The following CYYR1 variants were observed in gnomAD, a reference collection of about 807,000 sequenced individuals.
CYYR1 encodes cysteine and tyrosine-rich protein 1.
CYYR1 carries 14 observed loss-of-function variants against 15.2 expected under a neutral mutation model. That is an observed-to-expected ratio of 0.92 (90% CI 0.61 to 1.44). CYYR1 has a LOEUF of 1.44. CYYR1 is among the 40% of genes most tolerant of loss of function. The pLI is 0.00. For synonymous variants in CYYR1, 80 were observed against 77.4 expected (o/e 1.03, Z -0.18); for missense variants, 228 against 209.5 (o/e 1.09, Z -0.54).
At chr21:26,506,217 C>G (rs1370224639) in intron 2 of CYYR1, among the ~76,000 whole-genome samples, 1 of 152,112 alleles carries the variant, frequency 6.6e-6, no homozygotes, top group Admixed American at 6.6e-5. Flanking sequence ...CCTAGCTAGA[C>G]TTTAATTCTC....
intron 1 of CYYR1, chr21:26,568,973 C>T (rs1282919407): frequency 6.6e-6 from 1 of 152,212 alleles, no homozygotes; most frequent in Non-Finnish European, 1.5e-5. Context: ...AATACTTATA[C>T]ACTGCTATTG....
At chr21:26,540,189 A>G (rs1978447434) in intron 2 of CYYR1, among the ~76,000 whole-genome samples, 2 of 152,152 alleles carry the variant, frequency 1.3e-5, no homozygotes, top group African/African-American at 4.8e-5. Context: ...GTATAACCCT[A>G]CCACGGATCA....
At chr21:26,518,620 A>G (rs2065764597) in intron 2 of CYYR1, 1 of 152,218 alleles carries the variant, frequency 6.6e-6, no homozygotes. Context: ...ATTCTGTCAT[A>G]GCTGCAGCAG....
At chr21:26,519,310 A>T (rs2065773253) in intron 2 of CYYR1, among the ~76,000 whole-genome samples, 1 of 152,206 alleles carries the variant, frequency 6.6e-6, no homozygotes, top group Non-Finnish European at 1.5e-5. Context: ...TAAAAGAATG[A>T]GTCAGCCAGG....
At chr21:26,547,779 C>CT (rs11298777) in intron 2 of CYYR1, among the ~76,000 whole-genome samples, 26 of 143,464 alleles carry the variant, frequency 1.8e-4, no homozygotes, top group Middle Eastern at 3.6e-3. Flanking sequence ...TCTATTTCTA[C>CT]TTTTTTTTTT....
At chr21:26,537,100 T>C (rs1359019468) in intron 2 of CYYR1, among the ~76,000 whole-genome samples, 1 of 151,742 alleles carries the variant, frequency 6.6e-6, no homozygotes, top group Non-Finnish European at 1.5e-5. Context: ...TGGAGGAGAG[T>C]TGTGATTGAT....
chr21:26,478,165 C>G (rs894871347), intron 3 of CYYR1: 31 of 1,548,000 alleles, frequency 2.0e-5, no homozygotes, highest in Admixed American at 1.6e-4. Context: ...AATAAACAAT[C>G]AACATAATGA....
intron 2 of CYYR1, among the ~76,000 whole-genome samples, chr21:26,535,168 G>A (rs1175065040): frequency 6.6e-6 from 1 of 152,128 alleles, no homozygotes; most frequent in Admixed American, 6.6e-5. Flanking sequence ...CACCACCCAG[G>A]TGGTAGGATC....
At chr21:26,512,522 C>T (rs533205330) in intron 2 of CYYR1, among the ~76,000 whole-genome samples, 10 of 152,220 alleles carry the variant, frequency 6.6e-5, no homozygotes, top group African/African-American at 2.4e-4. Context: ...TATCAGGTGT[C>T]AGCACGCTAC....
intron 2 of CYYR1, among the ~76,000 whole-genome samples, chr21:26,540,147 G>T (rs1211288726): frequency 6.6e-6 from 1 of 152,032 alleles, no homozygotes; most frequent in East Asian, 1.9e-4. Flanking sequence ...TTCTTTTTTG[G>T]TAGAGTGGTA....
chr21:26,536,091 G>A (rs1978298680), intron 2 of CYYR1, among the ~76,000 whole-genome samples: 1 of 152,140 alleles, frequency 6.6e-6, no homozygotes, highest in South Asian at 2.1e-4. Context: ...TCTTCACATG[G>A]CGGCAGGAGA....
chr21:26,501,576 C>T (rs2830261), intron 2 of CYYR1, among the ~76,000 whole-genome samples: 26,270 of 152,208 alleles, frequency 0.17, 2,316 homozygotes, highest in South Asian at 0.18. Flanking sequence ...AGACTCAGAA[C>T]TGAAAACTGG....
chr21:26,503,889 C>T (rs2830262), intron 2 of CYYR1, among the ~76,000 whole-genome samples: 26,349 of 152,036 alleles, frequency 0.17, 2,317 homozygotes, highest in East Asian at 0.19. Context: ...AAGACGCTGT[C>T]GAGTCCTCCT....
At chr21:26,495,367 C>T (rs1002682320) in intron 2 of CYYR1, among the ~76,000 whole-genome samples, 2 of 152,184 alleles carry the variant, frequency 1.3e-5, no homozygotes, top group Admixed American at 6.5e-5. Context: ...GCGCTAGGCT[C>T]TACATTTCCC....
Position 26,564,838 on chromosome 21 carries a change from G to A in CYYR1, c.176+1428C>T, listed in dbSNP as rs747335466. On this transcript the variant is annotated intron_variant, in intron 2 of 3. Transcript: ENST00000652641. ...GGGACAGCAGCATCTGGTATGTGGA[G>A]ACAGTTTGAGAAAAAAAAAATTTAA... The A allele has an allele frequency of 8.3e-6, 10 of 1,206,024 alleles. No homozygotes were observed. In the South Asian group the frequency reaches 1.6e-4, roughly 20 times the overall value. The allele number at this position is 1,206,024 out of a possible 1,614,324, so 74.7% of individuals were successfully genotyped here. A position where few individuals can be genotyped will look rare whatever the true frequency, so the allele number is the denominator to read the frequency against.
At chr21:26,471,019 TCA>T (rs2065026502) in intron 3 of CYYR1, 2 of 152,206 alleles carry the variant, frequency 1.3e-5, no homozygotes, top group Non-Finnish European at 2.9e-5. Context: ...CAGTGCTCCC[TCA>T]GACCCTTGGA....
intron 2 of CYYR1, chr21:26,550,557 A>G (rs1330470251): frequency 6.6e-6 from 1 of 152,184 alleles, no homozygotes; most frequent in African/African-American, 2.4e-5. Flanking sequence ...GGAAATTAAA[A>G]GTGCTGCTCC....
chr21:26,501,658 GTC>G (rs1343332746), intron 2 of CYYR1, among the ~76,000 whole-genome samples: 2 of 151,950 alleles, frequency 1.3e-5, no homozygotes, highest in African/African-American at 4.8e-5. Context: ...TAATCTTTTG[GTC>G]TCTTTTTCTT....
chr21:26,519,951 T>A (rs185135468), intron 2 of CYYR1, among the ~76,000 whole-genome samples: 4 of 151,806 alleles, frequency 2.6e-5, no homozygotes, highest in Non-Finnish European at 5.9e-5. Context: ...TGCAGCACTA[T>A]TCACAATAGC....
Sources: gnomAD v4.1 joint callset for allele counts (sites outside exome capture counted in the v4.1 genomes callset) on GRCh38, gnomAD v4.1.1 for gene constraint, MANE v1.5 for transcripts, NCBI Gene and HGNC (gene_info 2026-07-23, HGNC 2026-07-21) for gene names.